Variants in CHL1 observed in about 807,000 individuals in gnomAD.
The protein encoded by CHL1 is cell adhesion molecule L1 like, also known as neural cell adhesion molecule L1-like protein.
A neutral mutation model predicts 141.9 loss-of-function variants in CHL1; 96 were observed. The ratio of observed to expected loss-of-function variants is 0.68; its 90% CI spans 0.57 to 0.80. The LOEUF is 0.80. Ranked by LOEUF, CHL1 falls within the 30% of genes least tolerant of loss-of-function variation. CHL1 has a pLI of 0.00. For missense variants in CHL1, 1,820 were observed against 1,457.2 expected (o/e 1.25, Z -4.05); for synonymous variants, 613 against 502.2 (o/e 1.22, Z -2.95).
intron 16 of CHL1, among the ~76,000 whole-genome samples, chr3:378,253 G>T (rs568671266): frequency 2.5e-4 from 38 of 152,188 alleles, no homozygotes; most frequent in African/African-American, 8.9e-4. Flanking sequence ...ACTCTTTCCT[G>T]GTGTACAAAG....
intron 2 of CHL1, among the ~76,000 whole-genome samples, chr3:314,663 A>G (rs987901066): frequency 4.6e-5 from 7 of 151,766 alleles, no homozygotes; most frequent in African/African-American, 1.2e-4. Context: ...GGCCAGGATG[A>G]TGGGGATGAT....
chr3:363,528 A>C, intron 14 of CHL1, 145 bp downstream of exon 14: 2 of 680,826 alleles, frequency 2.9e-6, no homozygotes, highest in African/African-American at 1.8e-5. Flanking sequence ...AATGGGTTTC[A>C]TCTAAAAGAT....
At chr3:398,474 A>T (rs765925150) in intron 25 of CHL1, 89 bp downstream of exon 25, 75 of 674,212 alleles carry the variant, frequency 1.1e-4, no homozygotes, top group Middle Eastern at 5.8e-4. Flanking sequence ...ATTAAACATA[A>T]AAACACTGAG....
At chr3:376,458 C>G in intron 15 of CHL1, 1 of 508,908 alleles carries the variant, frequency 2.0e-6, no homozygotes, top group East Asian at 5.7e-5. Context: ...ATTTCGAGGA[C>G]TAGTGAGGCA....
intron 2 of CHL1, among the ~76,000 whole-genome samples, chr3:265,332 T>C (rs570662560): frequency 2.6e-5 from 4 of 152,350 alleles, no homozygotes; most frequent in African/African-American, 9.6e-5. Context: ...AGTGGTTAAG[T>C]GCTTAGAGTG....
chr3:393,664 GT>G (rs1371100879), intron 23 of CHL1, among the ~76,000 whole-genome samples: 3 of 151,902 alleles, frequency 2.0e-5, no homozygotes, highest in Admixed American at 6.6e-5. Flanking sequence ...ATTTTAAATT[GT>G]TGCAATTTAT....
intron 11 of CHL1, among the ~76,000 whole-genome samples, chr3:358,566 A>G (rs188811097): frequency 1.2e-3 from 178 of 152,276 alleles, no homozygotes; most frequent in Non-Finnish European, 1.9e-3. Flanking sequence ...TCAGGAATAA[A>G]GGTTACCCAA....
chr3:315,075 C>T (rs1290544080), intron 2 of CHL1, among the ~76,000 whole-genome samples: 2 of 152,128 alleles, frequency 1.3e-5, no homozygotes, highest in East Asian at 3.9e-4. Flanking sequence ...TAACCATGCT[C>T]CTTGGATCAG....
chr3:250,087 C>T (rs113676981), intron 2 of CHL1, among the ~76,000 whole-genome samples: 1 of 151,914 alleles, frequency 6.6e-6, no homozygotes, highest in East Asian at 1.9e-4. Context: ...TTGCCTTAGC[C>T]TCTTGAGCAG....
intron 2 of CHL1, among the ~76,000 whole-genome samples, chr3:300,915 A>G (rs1454239032): frequency 6.6e-6 from 1 of 152,196 alleles, no homozygotes; most frequent in African/African-American, 2.4e-5. Context: ...CTGATGGAAA[A>G]GTTATAACAA....
intron 2 of CHL1, among the ~76,000 whole-genome samples, chr3:286,245 A>G (rs1031539205): frequency 4.6e-5 from 7 of 152,098 alleles, no homozygotes; most frequent in African/African-American, 1.7e-4. Context: ...CCATGCCCCA[A>G]AAGTGGGTTC....
At chr3:272,477 G>A (rs561615710) in intron 2 of CHL1, among the ~76,000 whole-genome samples, 10 of 152,194 alleles carry the variant, frequency 6.6e-5, no homozygotes, top group African/African-American at 2.2e-4. Context: ...CTATGTTTTC[G>A]TTCTTTGGAA....
intron 5 of CHL1, among the ~76,000 whole-genome samples, chr3:333,143 T>TTTTTTTTTTTTTTTTTC (rs1237327395): frequency 6.9e-6 from 1 of 144,754 alleles, no homozygotes; most frequent in African/African-American, 2.5e-5. Flanking sequence ...ATTTTTTTTT[T>TTTTTTTTTTTTTTTTTC]TTGCTGCTGC....
chr3:262,736 G>A (rs77961431), intron 2 of CHL1, among the ~76,000 whole-genome samples: 1 of 152,198 alleles, frequency 6.6e-6, no homozygotes, highest in Non-Finnish European at 1.5e-5. Context: ...TGCCAAAGCA[G>A]AACTAGTCTT....
At position 391,085 on chromosome 3, in the gene CHL1, T is replaced by A; in HGVS notation, c.2717T>A (p.Leu906Ter). The change falls in exon 22 of 28, where the codon TTA (leucine) becomes TAA (stop). Residue 906 changes from leucine to a stop codon, truncating the protein, a stop_gained. Transcript: ENST00000256509. LOFTEE classifies it high-confidence loss of function. Reference sequence around the variant, plus strand: ...TTAGATGCCTTTAGTGAATTTCATTTAACAGTCTTAGCCTATAACTCTAAA... The same window carrying A: ...TTAGATGCCTTTAGTGAATTTCATTAAACAGTCTTAGCCTATAACTCTAAA... ...PSLDAFSEFH[L>*]TVLAYNSKGA... The A allele has an allele frequency of 6.2e-7, 1 of 1,613,954 alleles. No individual in the cohort carries two copies. Among genetic ancestry groups the A allele is most frequent in the Non-Finnish European group, 8.5e-7 (1 of 1,179,802 alleles).
rs199825841 is a variant in CHL1 at position 366,067 on chromosome 3, G to T, written c.1703G>T (p.Trp568Leu). The T allele has an allele frequency of 1.9e-6, 3 of 1,613,850 alleles. No individual in the cohort carries two copies. The highest frequency in any genetic ancestry group is 2.2e-5 in the East Asian group (1 of 44,868). The change falls in exon 15 of 28, where the codon TGG (tryptophan) becomes TTG (leucine). Residue 568 changes from tryptophan (W) to leucine (L), a missense_variant. Transcript: ENST00000256509. Reference protein sequence around the residue: ...SHLKHSLKLSWSKDGEAFEIN... With the variant: ...SHLKHSLKLSLSKDGEAFEIN... ...TTGAAACACAGTTTGAAGTTGTCCT[G>T]GAGTAAAGATGGAGAAGCCTTTGAA...
At chr3:261,725 G>A (rs1422368577) in intron 2 of CHL1, among the ~76,000 whole-genome samples, 1 of 151,898 alleles carries the variant, frequency 6.6e-6, no homozygotes, top group African/African-American at 2.4e-5. Context: ...TTAACAACCA[G>A]CTCTCAAAAT....
intron 24 of CHL1, among the ~76,000 whole-genome samples, chr3:396,723 A>G (rs1205774780): frequency 6.6e-6 from 1 of 152,104 alleles, no homozygotes; most frequent in African/African-American, 2.4e-5. Flanking sequence ...AGGAATCCAC[A>G]TTTTCAGTAT....
At chr3:197,140 G>T (rs1698397245) in intron 1 of CHL1, 77 bp downstream of exon 1, 2 of 152,424 alleles carry the variant, frequency 1.3e-5, no homozygotes, top group Admixed American at 6.5e-5. Flanking sequence ...AGGGCTGAAG[G>T]TGCTCCGGGA....
Sources: gnomAD v4.1 joint callset for allele counts (sites outside exome capture counted in the v4.1 genomes callset) on GRCh38, gnomAD v4.1.1 for gene constraint, MANE v1.5 for transcripts, NCBI Gene and HGNC (gene_info 2026-07-23, HGNC 2026-07-21) for gene names.